CCSER1: variants seen among roughly 807,000 people sequenced by gnomAD.
The protein encoded by CCSER1 is serine-rich coiled-coil domain-containing protein 1.
A neutral mutation model predicts 82.0 loss-of-function variants in CCSER1; 41 were observed. That is an observed-to-expected ratio of 0.50 (90% CI 0.39 to 0.65). CCSER1 has a LOEUF of 0.65. Among genes scored for constraint, CCSER1 ranks in the 30% least tolerant of loss-of-function variants. CCSER1 has a pLI of 0.00. For synonymous variants in CCSER1, 414 were observed against 383.9 expected (o/e 1.08, Z -0.92); for missense variants, 1,119 against 1,064.2 (o/e 1.05, Z -0.72).
At chr4:90,884,024 A>G (rs1008006402) in intron 8 of CCSER1, among the ~76,000 whole-genome samples, 6 of 152,116 alleles carry the variant, frequency 3.9e-5, no homozygotes, top group African/African-American at 1.4e-4. Context: ...ATAAATTAGG[A>G]AGAAGAGTCA....
chr4:91,419,637 A>T (rs1010638395), intron 10 of CCSER1, among the ~76,000 whole-genome samples: 1 of 152,040 alleles, frequency 6.6e-6, no homozygotes, highest in Admixed American at 6.6e-5. Context: ...ATCCAAAGTA[A>T]TCTATAAATT....
At chr4:90,760,903 A>C (rs140789206) in intron 7 of CCSER1, among the ~76,000 whole-genome samples, 86 of 152,214 alleles carry the variant, frequency 5.6e-4, no homozygotes, top group African/African-American at 1.8e-3. Flanking sequence ...GGTAATAGAG[A>C]AGTAATAGAG....
intron 8 of CCSER1, among the ~76,000 whole-genome samples, chr4:90,920,077 G>A (rs1413518428): frequency 1.3e-5 from 2 of 151,794 alleles, no homozygotes; most frequent in African/African-American, 4.8e-5. Flanking sequence ...AAGAAGGAAT[G>A]ACAATGTCTG....
intron 1 of CCSER1, among the ~76,000 whole-genome samples, chr4:90,156,160 A>T (rs1002787508): frequency 4.6e-5 from 7 of 152,176 alleles, no homozygotes; most frequent in Admixed American, 2.6e-4. Context: ...CAGGTTGTTC[A>T]GTTTCCATGT....
chr4:90,389,696 C>T (rs1427350840), intron 3 of CCSER1, among the ~76,000 whole-genome samples: 2 of 152,152 alleles, frequency 1.3e-5, no homozygotes, highest in Non-Finnish European at 2.9e-5. Context: ...GCAGGAAGTA[C>T]AATAAATAGT....
At chr4:91,371,078 A>G (rs924050112) in intron 10 of CCSER1, among the ~76,000 whole-genome samples, 1 of 152,006 alleles carries the variant, frequency 6.6e-6, no homozygotes, top group African/African-American at 2.4e-5. Flanking sequence ...GGCCAGGCTT[A>G]TCTCGAACTC....
At chr4:90,314,289 ATAT>A (rs1428306017) in intron 3 of CCSER1, among the ~76,000 whole-genome samples, 5 of 152,276 alleles carry the variant, frequency 3.3e-5, no homozygotes, top group African/African-American at 9.6e-5. Flanking sequence ...ATTGGCTATT[ATAT>A]TATTATTGTT....
At chr4:91,288,810 A>G (rs1178330283) in intron 10 of CCSER1, among the ~76,000 whole-genome samples, 2 of 152,060 alleles carry the variant, frequency 1.3e-5, no homozygotes, top group African/African-American at 4.8e-5. Flanking sequence ...ACAAAAATAC[A>G]TGATGGGCCT....
intron 8 of CCSER1, among the ~76,000 whole-genome samples, chr4:90,844,558 T>G (rs748135975): frequency 6.6e-5 from 10 of 152,106 alleles, no homozygotes; most frequent in Admixed American, 2.0e-4. Flanking sequence ...CAATTAATTT[T>G]ACATATGGTT....
At chr4:90,357,326 A>T (rs991700071) in intron 3 of CCSER1, among the ~76,000 whole-genome samples, 1 of 151,896 alleles carries the variant, frequency 6.6e-6, no homozygotes, top group Admixed American at 6.5e-5. Flanking sequence ...TGATGGCAGT[A>T]TTGCACTTGG....
intron 8 of CCSER1, among the ~76,000 whole-genome samples, chr4:90,916,167 TA>T (rs1727369615): frequency 6.6e-6 from 1 of 152,056 alleles, no homozygotes; most frequent in East Asian, 1.9e-4. Context: ...AAAACTACTT[TA>T]AAGTTCATAT....
intron 1 of CCSER1, among the ~76,000 whole-genome samples, chr4:90,292,352 C>G (rs770882726): frequency 1.2e-3 from 179 of 152,014 alleles, no homozygotes; most frequent in Non-Finnish European, 2.1e-3. Context: ...CTAAATTTCA[C>G]AGACTGCATG....
intron 1 of CCSER1, among the ~76,000 whole-genome samples, chr4:90,244,705 G>A (rs1027233102): frequency 6.6e-6 from 1 of 152,166 alleles, no homozygotes; most frequent in Non-Finnish European, 1.5e-5. Flanking sequence ...TCACTATTAT[G>A]AGAACAGCAT....
chr4:90,907,160 C>A (rs1293890777), intron 8 of CCSER1, among the ~76,000 whole-genome samples: 1 of 152,054 alleles, frequency 6.6e-6, no homozygotes, highest in Non-Finnish European at 1.5e-5. Flanking sequence ...TAAACTTATG[C>A]CTAGACAAGT....
At chr4:90,627,221 T>C (rs145791899) in intron 5 of CCSER1, among the ~76,000 whole-genome samples, 86 of 152,296 alleles carry the variant, frequency 5.6e-4, no homozygotes, top group African/African-American at 1.9e-3. Flanking sequence ...ATGTGTTTAC[T>C]AATTATCTAG....
chr4:91,276,917 G>A (rs1742512948), intron 10 of CCSER1, among the ~76,000 whole-genome samples: 4 of 151,950 alleles, frequency 2.6e-5, no homozygotes, highest in Non-Finnish European at 4.4e-5. Context: ...TGATCATATG[G>A]TTTCTATTCT....
intron 5 of CCSER1, among the ~76,000 whole-genome samples, chr4:90,496,971 C>CAAAAAAAAA (rs771281710): frequency 5.8e-4 from 32 of 55,144 alleles, no homozygotes; most frequent in African/African-American, 9.6e-4. Flanking sequence ...AGCGAGACTA[C>CAAAAAAAAA]AAAAAAAAAA....
chr4:91,104,501 T>C (rs1218960072), intron 10 of CCSER1, among the ~76,000 whole-genome samples: 2 of 150,512 alleles, frequency 1.3e-5, no homozygotes, highest in African/African-American at 4.9e-5. Context: ...AGACAGAACC[T>C]ATGTTGAAAT....
At chr4:91,435,450 A>T (rs2149398267) in intron 10 of CCSER1, among the ~76,000 whole-genome samples, 1 of 151,976 alleles carries the variant, frequency 6.6e-6, no homozygotes, top group Admixed American at 6.6e-5. Flanking sequence ...CAAAAAAAAA[A>T]AAATGTATCT....
Sources: allele counts gnomAD v4.1 joint callset (sites outside exome capture counted in the v4.1 genomes callset), GRCh38; gene constraint gnomAD v4.1.1; transcripts MANE v1.5; gene names NCBI Gene and HGNC (gene_info 2026-07-23, HGNC 2026-07-21).